CFAP92: variants seen among roughly 807,000 people sequenced by gnomAD.
The protein encoded by CFAP92 is uncharacterized protein CFAP92.
CFAP92 carries 86 observed loss-of-function variants against 106.3 expected under a neutral mutation model. That is an observed-to-expected ratio of 0.81 (90% confidence interval 0.68 to 0.97). The LOEUF (loss-of-function observed/expected upper bound fraction) is 0.97. CFAP92 is among the 50% of genes least tolerant of loss of function. The pLI, the probability that CFAP92 is intolerant of heterozygous loss-of-function variation, is 0.00. For missense variants in CFAP92, 1,204 were observed against 1,283.8 expected, an observed-to-expected ratio of 0.94 and a Z score of 0.95; for synonymous variants, 477 against 506.4, an observed-to-expected ratio of 0.94 and a Z score of 0.78.
At chr3:128,957,652 T>A (rs1482515366) in intron 9 of CFAP92, among the ~76,000 whole-genome samples, 1 of 152,124 alleles carries the variant, frequency 6.6e-6, no homozygotes, top group Non-Finnish European at 1.5e-5. Flanking sequence ...TATATCAACA[T>A]TTACTCTAAA....
chr3:128,911,845 T>C lies in CFAP92; in HGVS notation c.3281-1512A>G, dbSNP rs1038634096. Among the ~76,000 whole-genome samples the C allele has an allele frequency of 4.6e-5, 7 of 152,232 alleles. No individual in the cohort carries two copies. In the South Asian group the frequency reaches 6.2e-4, roughly 14 times the overall value. ...ATTTTACCTGCCCCTTTACCCACTG[T>C]ACTCCATCCAAAATGACCCTGCAGT... On this transcript the variant is annotated intron_variant, in intron 15 of 15. Coordinates refer to ENST00000645291, the MANE Select transcript of CFAP92 (RefSeq NM_001394090.1).
chr3:128,914,157 G>A (rs1385099918), intron 15 of CFAP92, among the ~76,000 whole-genome samples: 3 of 152,206 alleles, frequency 2.0e-5, no homozygotes, highest in Non-Finnish European at 2.9e-5. Context: ...AAACCCCCAG[G>A]AGACTTTTGC....
chr3:128,960,411 CTT>C lies in CFAP92; in HGVS notation c.1353+5098_1353+5099del, dbSNP rs370827614. Among the ~76,000 whole-genome samples, 238 of 152,370 alleles carry C rather than the reference CTT, an allele frequency of 1.6e-3. 1 individual carries two copies. Among genetic ancestry groups the C allele is most frequent in the African/African-American group, 5.4e-3 (225 of 41,592 alleles). ...CAATTTCAAATCCGGTAAGCGGCCTCTTTTGACTCTCTTCTCCAACCTCCCTC... is the reference window on the plus strand; with the variant it reads ...CAATTTCAAATCCGGTAAGCGGCCTCTTGACTCTCTTCTCCAACCTCCCTC... On this transcript the variant is annotated intron_variant, in intron 9 of 15. Transcript: ENST00000645291.
chr3:128,978,373 G>T, intron 4 of CFAP92, 188 bp from the exon 5 acceptor site: 2 of 545,584 alleles, frequency 3.7e-6, no homozygotes, highest in Non-Finnish European at 3.1e-6. Flanking sequence ...TCATACTGTA[G>T]TCTATTAAGT....
intron 15 of CFAP92, among the ~76,000 whole-genome samples, chr3:128,913,887 A>G (rs1936599368): frequency 6.6e-6 from 1 of 151,904 alleles, no homozygotes; most frequent in African/African-American, 2.4e-5. Context: ...TGCACAGGAG[A>G]AGTTTGGGGA....
chr3:128,937,350 C>T (rs183173473), intron 10 of CFAP92, among the ~76,000 whole-genome samples: 100 of 149,562 alleles, frequency 6.7e-4, no homozygotes, highest in African/African-American at 9.6e-4. Context: ...TAGTGGTTTA[C>T]GCCTGTAATC....
At chr3:128,919,139 G>T (rs979523914) in intron 12 of CFAP92, among the ~76,000 whole-genome samples, 4 of 151,820 alleles carry the variant, frequency 2.6e-5, no homozygotes, top group Admixed American at 6.6e-5. Flanking sequence ...TAGAGACAGG[G>T]TTTCACCATG....
the CFAP92 span, among the ~76,000 whole-genome samples, chr3:129,011,675 C>G: frequency 6.6e-6 from 1 of 152,126 alleles, no homozygotes; most frequent in African/African-American, 2.4e-5. Context: ...GGAGGAGGAG[C>G]CGTGGGCTCT....
intron 4 of CFAP92, among the ~76,000 whole-genome samples, chr3:128,981,072 C>T (rs1016030187): frequency 5.3e-5 from 8 of 150,970 alleles, no homozygotes; most frequent in African/African-American, 7.3e-5. Flanking sequence ...AGTCTCGCTC[C>T]GTCACCCAGG....
chr3:128,994,125 G>A (rs1944389452), upstream of CFAP92: 1 of 985,806 alleles, frequency 1.0e-6, no homozygotes. Flanking sequence ...CAGCCACTCA[G>A]CTACGTTTGG....
At chr3:129,002,055 C>T (rs1199652209) in intron 1 of CFAP92, 6 of 1,540,254 alleles carry the variant, frequency 3.9e-6, no homozygotes, top group African/African-American at 1.4e-5. Context: ...GCTCACCTTC[C>T]GCCAGTTCCA....
the CFAP92 span, among the ~76,000 whole-genome samples, chr3:129,024,443 A>C: frequency 1.3e-5 from 2 of 152,160 alleles, no homozygotes; most frequent in East Asian, 3.9e-4. Flanking sequence ...AGGCAGGAGA[A>C]TCACTTGAAC....
intron 12 of CFAP92, among the ~76,000 whole-genome samples, chr3:128,925,315 A>G (rs1937575318): frequency 6.6e-6 from 1 of 152,150 alleles, no homozygotes; most frequent in Admixed American, 6.5e-5. Flanking sequence ...TCATGCTCTT[A>G]TGAGAATCTA....
intron 12 of CFAP92, among the ~76,000 whole-genome samples, chr3:128,918,394 A>G (rs1351514367): frequency 6.6e-6 from 1 of 152,186 alleles, no homozygotes; most frequent in Non-Finnish European, 1.5e-5. Flanking sequence ...AATCGCTTGA[A>G]TCCAGGAGGC....
intron 9 of CFAP92, among the ~76,000 whole-genome samples, chr3:128,958,795 G>A (rs1339239102): frequency 6.6e-6 from 1 of 152,132 alleles, no homozygotes; most frequent in East Asian, 1.9e-4. Flanking sequence ...CAGCTACTAG[G>A]GAGGCTAAGG....
intron 11 of CFAP92, among the ~76,000 whole-genome samples, chr3:128,933,487 G>A (rs1225538200): frequency 6.6e-6 from 1 of 152,198 alleles, no homozygotes; most frequent in Admixed American, 6.5e-5. Flanking sequence ...GCCATGGCCT[G>A]GTGTGCAGTG....
chr3:129,010,889 G>A, the CFAP92 span, among the ~76,000 whole-genome samples: 2 of 152,194 alleles, frequency 1.3e-5, no homozygotes, highest in Non-Finnish European at 2.9e-5. The surrounding 1 kb of genome is among the most constrained non-coding windows in gnomAD (Gnocchi z 4.3). Context: ...TGCACAGGGG[G>A]CTTGGTGGGT....
rs905507792 is a variant in CFAP92 at position 128,978,042 on chromosome 3, C to T, written c.808+3G>A. ...CTTGTCCACAAAGGCCTTCTCCGCTCACCTTGCAAAGACTTTGGGTGTTTT... is the reference window on the plus strand; with the variant it reads ...CTTGTCCACAAAGGCCTTCTCCGCTTACCTTGCAAAGACTTTGGGTGTTTT... On this transcript the variant is annotated splice_donor_region_variant and intron_variant, in intron 5 of 15. Transcript: ENST00000645291. 2 of 1,613,908 alleles carry T rather than the reference C, an allele frequency of 1.2e-6. No homozygotes were observed. Among genetic ancestry groups the T allele is most frequent in the Non-Finnish European group, 1.7e-6 (2 of 1,179,850 alleles).
upstream of CFAP92, among the ~76,000 whole-genome samples, chr3:129,004,374 C>A (rs1419603092): frequency 7.6e-6 from 1 of 131,272 alleles, no homozygotes. Context: ...ACTCACCCCC[C>A]CCACCCACCC....
Sources: gnomAD v4.1 joint callset for allele counts (sites outside exome capture counted in the v4.1 genomes callset) on GRCh38, gnomAD v4.1.1 for gene constraint, Gnocchi (gnomAD v3.1) non-coding constraint, MANE v1.5 for transcripts, NCBI Gene and HGNC (gene_info 2026-07-23, HGNC 2026-07-21) for gene names.